NUP37: variants seen among roughly 807,000 people sequenced by gnomAD.
The protein encoded by NUP37 is nucleoporin 37.
A neutral mutation model predicts 45.4 loss-of-function variants in NUP37; 33 were observed. The observed-to-expected ratio is 0.73, with a 90% CI of 0.55 to 0.97. NUP37 has a LOEUF of 0.97. Among genes scored for constraint, NUP37 ranks in the 50% least tolerant of loss-of-function variants. The probability of loss-of-function intolerance (pLI) is 0.00; values close to 1 mark genes in which losing one functional copy is unlikely to be tolerated. For missense variants in NUP37, 365 were observed against 389.7 expected (o/e 0.94, Z 0.53); for synonymous variants, 127 against 130.7 (o/e 0.97, Z 0.19).
chr12:102,076,940 A>T, intron 7 of NUP37, 93 bp from the exon 8 acceptor site: 6 of 829,178 alleles, frequency 7.2e-6, no homozygotes, highest in Non-Finnish European at 7.9e-6. Flanking sequence ...TATAGGACAG[A>T]ATGTCCAATG....
At chr12:102,116,909 G>A (rs890027318) in intron 2 of NUP37, among the ~76,000 whole-genome samples, 1 of 152,204 alleles carries the variant, frequency 6.6e-6, no homozygotes, top group African/African-American at 2.4e-5. Context: ...GGCTGAGGCA[G>A]GATAATTGCT....
chr12:102,074,150 A>G lies in NUP37; in HGVS notation c.*204T>C, dbSNP rs1879102356. ...TCAATATGATTTTGTAAGATTAAAA[A>G]TATATATATATACACACACAGAGAA... On this transcript the variant is annotated 3_prime_UTR_variant, in exon 10 of 10. Coordinates refer to ENST00000552283, the MANE Select transcript of NUP37 (RefSeq NM_024057.4). The G allele has an allele frequency of 1.5e-5, 4 of 268,570 alleles. No individual in the cohort carries two copies. The highest frequency in any genetic ancestry group is 2.1e-5 in the Non-Finnish European group (3 of 145,276). 16.6% of individuals were successfully genotyped at this position (268,570 alleles called of 1,614,324 possible).
At chr12:102,088,673 T>C (rs1879542837) in intron 5 of NUP37, among the ~76,000 whole-genome samples, 1 of 151,906 alleles carries the variant, frequency 6.6e-6, no homozygotes, top group South Asian at 2.1e-4. Flanking sequence ...TTGTTGCATG[T>C]TGTTGTAATT....
rs1565839028 is a variant in NUP37, at chr12:102,118,379, C to G, written c.140G>C (p.Gly47Ala). 1.2e-6 allele frequency: 2 copies of G among 1,613,398 alleles called. No homozygotes were observed. The highest frequency in any genetic ancestry group is 1.7e-6 in the Non-Finnish European group (2 of 1,179,718). ...AYGGNNYVVI[G>A]TCTFQEEEAD... Reference sequence around the variant, plus strand: ...TAGACTAACCTGAAACGTACACGTGCCAATGACCACATAATTATTGCCACC... The same window carrying G: ...TAGACTAACCTGAAACGTACACGTGGCAATGACCACATAATTATTGCCACC... The change falls in exon 2 of 10, where the codon GGC becomes GCC. Residue 47 changes from glycine to alanine, a missense_variant. Gly to Ala is a moderately conservative substitution (Grantham distance 60). Transcript: ENST00000552283.
At position 102,106,830 on chromosome 12, in the gene NUP37, C is replaced by T. The variant is rs566459393; in HGVS notation, c.281+5278G>A. Among the ~76,000 whole-genome samples the T allele has an allele frequency of 1.4e-3, 213 of 152,300 alleles. 1 individual carries two copies. Among genetic ancestry groups the T allele is most frequent in the African/African-American group, 4.8e-3 (199 of 41,562 alleles). On this transcript the variant is annotated intron_variant, in intron 3 of 9. Transcript: ENST00000552283. ...GTTTGGAGATAATTACAGAGATTGA[C>T]TCTCCTGATCTTAAAGCCTGAAAAC...
chr12:102,094,501 G>T (rs921298734), intron 5 of NUP37, among the ~76,000 whole-genome samples: 1 of 151,864 alleles, frequency 6.6e-6, no homozygotes, highest in African/African-American at 2.4e-5. Flanking sequence ...GATCTCAATT[G>T]GGGTGGGGGT....
chr12:102,093,112 AAAT>A (rs1879707904), intron 5 of NUP37, among the ~76,000 whole-genome samples: 2 of 152,036 alleles, frequency 1.3e-5, no homozygotes, highest in African/African-American at 2.4e-5. Flanking sequence ...CAATAACTGA[AAAT>A]AATATGTCAA....
chr12:102,082,226 T>C (rs1879349116), intron 6 of NUP37, among the ~76,000 whole-genome samples: 1 of 152,148 alleles, frequency 6.6e-6, no homozygotes, highest in East Asian at 1.9e-4. Flanking sequence ...TTTTGTGTTT[T>C]CCTGATCTTA....
intron 5 of NUP37, among the ~76,000 whole-genome samples, chr12:102,095,732 T>C (rs1879785764): frequency 6.6e-6 from 1 of 152,136 alleles, no homozygotes; most frequent in South Asian, 2.1e-4. Context: ...CTATGATTTA[T>C]CTTGCTATGT....
Position 102,076,865 on chromosome 12 carries a change from G to A in NUP37, c.723-18C>T. The A allele has an allele frequency of 1.3e-6, 2 of 1,597,448 alleles. No homozygotes were observed. The highest frequency in any genetic ancestry group is 2.7e-5 in the African/African-American group (2 of 74,590). ...GAGGATAACTAAAAGATAATATTTTGCATTTTATGAATTATGTGTTAAACT... is the reference window on the plus strand; with the variant it reads ...GAGGATAACTAAAAGATAATATTTTACATTTTATGAATTATGTGTTAAACT... On this transcript the variant is annotated intron_variant, in intron 7 of 9. Coordinates refer to ENST00000552283, the MANE Select transcript of NUP37 (RefSeq NM_024057.4).
At chr12:102,094,016 C>T (rs769707112) in intron 5 of NUP37, among the ~76,000 whole-genome samples, 2 of 152,118 alleles carry the variant, frequency 1.3e-5, no homozygotes, top group Non-Finnish European at 2.9e-5. Context: ...CTGACTTCTA[C>T]TCTATTACAG....
intron 9 of NUP37, 64 bp from the exon 10 acceptor site, chr12:102,074,531 CT>C (rs1361537234): frequency 3.1e-6 from 3 of 978,012 alleles, no homozygotes; most frequent in Non-Finnish European, 4.6e-6. Context: ...ATAAAAATGA[CT>C]TTCAAAAATA....
chr12:102,103,567 G>A (rs1565834902), intron 3 of NUP37, among the ~76,000 whole-genome samples: 1 of 152,038 alleles, frequency 6.6e-6, no homozygotes, highest in African/African-American at 2.4e-5. Context: ...ATTTGGATGC[G>A]TTTTAATTCT....
chr12:102,105,896 A>G (rs1880136331), intron 3 of NUP37, among the ~76,000 whole-genome samples: 1 of 151,488 alleles, frequency 6.6e-6, no homozygotes, highest in South Asian at 2.1e-4. Context: ...CCTCAAAAAG[A>G]TAAGTCTATG....
chr12:102,089,299 C>T lies in NUP37; in HGVS notation c.450-3443G>A, dbSNP rs539245743. Among the ~76,000 whole-genome samples the T allele has an allele frequency of 1.2e-4, 19 of 152,170 alleles. No homozygotes were observed. The South Asian group carries it at 1.5e-3, about 12-fold the overall frequency. On this transcript the variant is annotated intron_variant, in intron 5 of 9. Coordinates refer to ENST00000552283, the MANE Select transcript of NUP37 (RefSeq NM_024057.4). ...AGATTGCACAGTGGCCAGGCAGAGG[C>T]GCTCCTCACTTCCCAGACGGGGTGG...
rs951541742 is a variant in NUP37, at chr12:102,073,512, A to G, written c.*842T>C. ...TTTGATCCCATATATCAGATGTTCT[A>G]AGACTGTTAGAACACCTCGTCCAAA... On this transcript the variant is annotated 3_prime_UTR_variant, in exon 10 of 10. Coordinates refer to ENST00000552283, the MANE Select transcript of NUP37 (RefSeq NM_024057.4). The G allele has an allele frequency of 6.6e-6, 1 of 152,194 alleles. No individual in the cohort carries two copies. Among genetic ancestry groups the G allele is most frequent in the African/African-American group, 2.4e-5 (1 of 41,442 alleles). The allele number at this position is 152,194 out of a possible 1,614,324, so 9.4% of individuals were successfully genotyped here. A position where few individuals can be genotyped will look rare whatever the true frequency, so the allele number is the denominator to read the frequency against.
At chr12:102,115,286 G>A (rs913866240) in intron 2 of NUP37, among the ~76,000 whole-genome samples, 15 of 152,110 alleles carry the variant, frequency 9.9e-5, no homozygotes, top group African/African-American at 3.6e-4. Context: ...TGATATGGTG[G>A]CCACTAGCCA....
rs75794412 is a variant in NUP37, at chr12:102,108,461, G to C, written c.281+3647C>G. Among the ~76,000 whole-genome samples, 305 of 152,284 alleles carry C rather than the reference G, an allele frequency of 2.0e-3. 1 individual carries two copies. Among genetic ancestry groups the C allele is most frequent in the African/African-American group, 7.0e-3 (289 of 41,564 alleles). On this transcript the variant is annotated intron_variant, in intron 3 of 9. Coordinates refer to ENST00000552283, the MANE Select transcript of NUP37 (RefSeq NM_024057.4). The stretch of plus-strand genomic sequence containing the variant: ...CCTACTTGTGAGGTTTTGGGACTCA[G>C]ACTGGCTGCCTTGCTCCTCAGCTTG...
Position 102,076,867 on chromosome 12 carries a change from A to G in NUP37, c.723-20T>C. On this transcript the variant is annotated intron_variant, in intron 7 of 9. Coordinates refer to ENST00000552283, the MANE Select transcript of NUP37 (RefSeq NM_024057.4). Reference sequence around the variant, plus strand: ...GGATAACTAAAAGATAATATTTTGCATTTTATGAATTATGTGTTAAACTCA... The same window carrying G: ...GGATAACTAAAAGATAATATTTTGCGTTTTATGAATTATGTGTTAAACTCA... The G allele has an allele frequency of 6.3e-7, 1 of 1,589,948 alleles. No homozygotes were observed. The highest frequency in any genetic ancestry group is 2.2e-5 in the East Asian group (1 of 44,558).
Sources: gnomAD v4.1 joint callset for allele counts (sites outside exome capture counted in the v4.1 genomes callset) on GRCh38, gnomAD v4.1.1 for gene constraint, MANE v1.5 for transcripts, NCBI Gene and HGNC (gene_info 2026-07-23, HGNC 2026-07-21) for gene names.